The following PKD1 variants were observed in gnomAD, a reference collection of about 807,000 sequenced individuals.
PKD1 encodes polycystin-1.
PKD1 carries 81 observed loss-of-function variants against 361.7 expected under a neutral mutation model. The ratio of observed to expected loss-of-function variants is 0.22; its 90% CI spans 0.19 to 0.27. PKD1 has a LOEUF of 0.27. Among genes scored for constraint, PKD1 ranks in the 10% least tolerant of loss-of-function variants. The pLI, the probability that PKD1 is intolerant of heterozygous loss-of-function variation, is 1.00. For synonymous variants in PKD1, 3,615 were observed against 2,818.3 expected, an observed-to-expected ratio of 1.28 and a Z score of -8.95; for missense variants, 6,399 against 6,118.3, an observed-to-expected ratio of 1.05 and a Z score of -1.53.
chr16:2,132,009 G>C (rs1006841902), intron 1 of PKD1: 63 of 152,166 alleles, frequency 4.1e-4, no homozygotes, highest in African/African-American at 1.4e-3. Flanking sequence ...CCAACACTTT[G>C]GGAGGCCAAG....
In PKD1 at chr16:2,119,121, T is replaced by C. The variant is rs969529348; in HGVS notation, c.352A>G (p.Ser118Gly). 7.3e-6 allele frequency: 9 copies of C among 1,238,868 alleles called. No homozygotes were observed. The Admixed American group carries it at 1.4e-4, about 19-fold the overall frequency. The allele number at this position is 1,238,868 out of a possible 1,614,324, so 76.7% of individuals were successfully genotyped here. The change falls in exon 3 of 46, where the codon AGT (serine) becomes GGT (glycine). Residue 118 changes from serine (S) to glycine (G), a missense_variant. Coordinates refer to ENST00000262304, the MANE Select transcript of PKD1 (RefSeq NM_001009944.3). ...EGIFANLFNL[S>G]EINLSGNPFE... ...CAAAGAACCACAACTTACATTTCAC[T>C]TAAATTAAATAAATTAGCAAATATT...
chr16:2,108,245 C>T lies in PKD1; in HGVS notation c.6915+7G>A. On this transcript the variant is annotated splice_region_variant and intron_variant, in intron 15 of 45. Coordinates refer to ENST00000262304, the MANE Select transcript of PKD1 (RefSeq NM_001009944.3). ...GGGCATGGAGGACGGCCCTGCCACG[C>T]ACTGACCTGTGTCGAAGCCACACAG... The T allele has an allele frequency of 6.3e-7, 1 of 1,595,642 alleles. No homozygotes were observed. Among genetic ancestry groups the T allele is most frequent in the South Asian group, 1.1e-5 (1 of 89,780 alleles).
intron 1 of PKD1, among the ~76,000 whole-genome samples, chr16:2,127,092 G>C (rs1042413015): frequency 6.6e-6 from 1 of 152,064 alleles, no homozygotes; most frequent in African/African-American, 2.4e-5. Context: ...CGAGGCTCAG[G>C]CTTGGCACAA....
chr16:2,111,126 G>C lies in PKD1; in HGVS notation c.4041C>G (p.His1347Gln), dbSNP rs769089565. The C allele has an allele frequency of 7.4e-6, 12 of 1,610,864 alleles. No homozygotes were observed. The highest frequency in any genetic ancestry group is 2.2e-5 in the East Asian group (1 of 44,890). ...GGAACGTGCCGCTCCGCGTGAAGTTGTGTGTCACCGTCGGGCACCCCCGCA... is the reference window on the plus strand; with the variant it reads ...GGAACGTGCCGCTCCGCGTGAAGTTCTGTGTCACCGTCGGGCACCCCCGCA... ...TTVRGCPTVT[H>Q]NFTRSGTFPL... Residue 1347 changes from histidine to glutamine, a missense_variant, in exon 15 of 46, where the codon CAC (histidine) becomes CAG (glutamine). His to Gln is a conservative substitution (Grantham distance 24). Transcript: ENST00000262304.
In PKD1 at chr16:2,097,517, G is replaced by C. The variant is rs201207354; in HGVS notation, c.10221-14C>G. On this transcript the variant is annotated splice_polypyrimidine_tract_variant and intron_variant, in intron 32 of 45. Coordinates refer to ENST00000262304, the MANE Select transcript of PKD1 (RefSeq NM_001009944.3). ...CAGCACACCAGACTGCAGGTGGCGC[G>C]GGTCAGCAAGGTACCAGGGGATGTG... The C allele has an allele frequency of 6.2e-7, 1 of 1,601,410 alleles. No homozygotes were observed. The highest frequency in any genetic ancestry group is 1.3e-5 in the African/African-American group (1 of 74,980).
rs150020128 is a variant in PKD1, at chr16:2,097,337, T to C, written c.10387A>G (p.Lys3463Glu). Residue 3463 changes from lysine (K) to glutamate (E), a missense_variant, in exon 33 of 46, where the codon AAA becomes GAA. Lys to Glu is a moderately conservative substitution (Grantham distance 56). Transcript: ENST00000262304. ...FSLASPYSPA[K>E]SFSASDEDLI... The stretch of plus-strand genomic sequence containing the variant: ...AGCTCACCTGATGCTGAGAAGGATT[T>C]GGCAGGCGAGTAGGGGCTGGCCAGG... 87 of 1,612,700 alleles carry C rather than the reference T, an allele frequency of 5.4e-5. No homozygotes were observed. In the African/African-American group the frequency reaches 9.6e-4, roughly 18 times the overall value.
intron 1 of PKD1, among the ~76,000 whole-genome samples, chr16:2,130,295 T>A (rs1336989747): frequency 6.6e-6 from 1 of 152,036 alleles, no homozygotes; most frequent in Non-Finnish European, 1.5e-5. Context: ...GACACAGGCC[T>A]CTCCTAGGCT....
chr16:2,091,607 G>T lies in PKD1; in HGVS notation c.11538-10C>A, dbSNP rs377419559. Reference sequence around the variant, plus strand: ...GAACACAGCGCGGCTCCTGCGCAGAGGGTGCGGGTCAGTAGGAGCGGGTGG... The same window carrying T: ...GAACACAGCGCGGCTCCTGCGCAGATGGTGCGGGTCAGTAGGAGCGGGTGG... On this transcript the variant is annotated splice_polypyrimidine_tract_variant and intron_variant, in intron 41 of 45. Coordinates refer to ENST00000262304, the MANE Select transcript of PKD1 (RefSeq NM_001009944.3). The T allele has an allele frequency of 2.3e-4, 358 of 1,561,070 alleles. No individual in the cohort carries two copies. Among genetic ancestry groups the T allele is most frequent in the Non-Finnish European group, 2.9e-4 (334 of 1,161,910 alleles).
In PKD1 at chr16:2,092,201, G is replaced by C. The variant is rs771320129; in HGVS notation, c.11270-13C>G. The C allele has an allele frequency of 2.5e-6, 4 of 1,584,302 alleles. No homozygotes were observed. The highest frequency in any genetic ancestry group is 2.7e-5 in the African/African-American group (2 of 73,968). On this transcript the variant is annotated splice_polypyrimidine_tract_variant and intron_variant, in intron 39 of 45. Transcript: ENST00000262304. ...TCTGGGTAGAGTGCTGAAACACACA[G>C]AGCCCCAGGCCGGGGCCAGGGCCTC...
At chr16:2,128,950 G>A (rs1235603159) in intron 1 of PKD1, among the ~76,000 whole-genome samples, 2 of 151,556 alleles carry the variant, frequency 1.3e-5, no homozygotes, top group African/African-American at 2.4e-5. Context: ...TGCAACCTCC[G>A]CCTCCCGGGT....
rs540459990 is a variant in PKD1 at position 2,103,575 on chromosome 16, G to A, written c.8482C>T (p.Leu2828=). 5.0e-6 allele frequency: 8 copies of A among 1,610,260 alleles called. No individual in the cohort carries two copies. Among genetic ancestry groups the A allele is most frequent in the African/African-American group, 4.0e-5 (3 of 74,972 alleles). The change falls in exon 23 of 46, where the codon CTG becomes TTG. Residue 2828 remains leucine (L), a synonymous_variant. Transcript: ENST00000262304. ...AAGGGAAAGGGATTGGAGTCCACCA[G>A]AAAGATGAGCTGCACCACGTCACTG... ...NLSDVVQLIF[L]VDSNPFPFGY... is the part of the protein sequence containing the mutation.
chr16:2,126,203 C>T (rs1212900335), intron 1 of PKD1, among the ~76,000 whole-genome samples: 1 of 152,244 alleles, frequency 6.6e-6, no homozygotes, highest in African/African-American at 2.4e-5. Context: ...ACCCGGAGCC[C>T]CTGTACTCCC....
rs755591790 is a variant in PKD1, at chr16:2,108,296, G to C, written c.6871C>G (p.Gln2291Glu). The C allele has an allele frequency of 1.2e-6, 2 of 1,601,850 alleles. No homozygotes were observed. Among genetic ancestry groups the C allele is most frequent in the East Asian group, 4.5e-5 (2 of 44,660 alleles). Residue 2291 changes from glutamine to glutamate, a missense_variant, in exon 15 of 46, where the codon CAG (glutamine) becomes GAG (glutamate). Coordinates refer to ENST00000262304, the MANE Select transcript of PKD1 (RefSeq NM_001009944.3). ...GCCCAGTGGAAACTGAGCGGCGTCT[G>C]GTCGCCGTCCTCCAGGTTGGGGTCG... ...SYDPNLEDGDQTPLSFHWACV... is the reference protein window; with the variant it reads ...SYDPNLEDGDETPLSFHWACV...
chr16:2,127,410 G>A lies in PKD1; in HGVS notation c.216-8032C>T, dbSNP rs147284697. 8.0e-4 allele frequency among the ~76,000 whole-genome samples: 122 copies of A among 152,302 alleles called. 1 individual carries two copies. Among genetic ancestry groups the A allele is most frequent in the Non-Finnish European group, 3.7e-4 (25 of 68,032 alleles). On this transcript the variant is annotated intron_variant, in intron 1 of 45. Transcript: ENST00000262304. ...GTCTTGTGAGCCCCCACAGCCACGC[G>A]GCCCTGCGCTGAAGGCACCGAGGCT...
intron 7 of PKD1, 64 bp downstream of exon 7, chr16:2,116,769 C>T (rs1163467452): frequency 2.2e-5 from 25 of 1,115,374 alleles, no homozygotes; most frequent in South Asian, 7.9e-5. Context: ...GGCTCCACCG[C>T]GGGCGCTCGG....
chr16:2,110,467 C>T lies in PKD1; in HGVS notation c.4700G>A (p.Ser1567Asn), dbSNP rs2092473015. 3 of 1,612,418 alleles carry T rather than the reference C, an allele frequency of 1.9e-6. No individual in the cohort carries two copies. Among genetic ancestry groups the T allele is most frequent in the East Asian group, 2.2e-5 (1 of 44,900 alleles). The change falls in exon 15 of 46, where the codon AGC (serine) becomes AAC (asparagine). Residue 1567 changes from serine to asparagine, a missense_variant. Coordinates refer to ENST00000262304, the MANE Select transcript of PKD1 (RefSeq NM_001009944.3). ...RTVVPLNGSVSFSTSLEAGSD... is the reference protein window; with the variant it reads ...RTVVPLNGSVNFSTSLEAGSD... ...GCCGGCCTCCAGCGACGTGCTGAAG[C>T]TCACGCTCCCATTCAGGGGCACCAC...
At chr16:2,122,431 C>G (rs539333726) in intron 1 of PKD1, among the ~76,000 whole-genome samples, 45 of 152,108 alleles carry the variant, frequency 3.0e-4, no homozygotes, top group African/African-American at 9.9e-4. Context: ...CTAACTGAAC[C>G]CTGCTTCTCT....
In PKD1 at chr16:2,117,821, T is replaced by A. The variant is rs2092665567; in HGVS notation, c.1171A>T (p.Ile391Phe). 7.9e-7 allele frequency: 1 copy of A among 1,266,256 alleles called. No individual in the cohort carries two copies. The allele number at this position is 1,266,256 out of a possible 1,614,324, so 78.4% of individuals were successfully genotyped here. A position where few individuals can be genotyped will look rare whatever the true frequency, so the allele number is the denominator to read the frequency against. Reference protein sequence around the residue: ...GGSGLEAAYSIVALGEEPARA... With the variant: ...GGSGLEAAYSFVALGEEPARA... ...GCCGGCTCCTCGCCCAGGGCCACGATGCTGTAGGCGGCCTCCAGGCCTGAA... is the reference window on the plus strand; with the variant it reads ...GCCGGCTCCTCGCCCAGGGCCACGAAGCTGTAGGCGGCCTCCAGGCCTGAA... The change falls in exon 5 of 46, where the codon ATC becomes TTC. Residue 391 changes from isoleucine (I) to phenylalanine (F), a missense_variant. Transcript: ENST00000262304.
At chr16:2,119,944 G>C in intron 1 of PKD1, 1 of 656,338 alleles carries the variant, frequency 1.5e-6, no homozygotes, top group South Asian at 1.7e-5. Context: ...CCAGGCACTG[G>C]GGCACACGCC....
Sources: allele counts gnomAD v4.1 joint callset (sites outside exome capture counted in the v4.1 genomes callset), GRCh38; gene constraint gnomAD v4.1.1; transcripts MANE v1.5; gene names NCBI Gene and HGNC (gene_info 2026-07-23, HGNC 2026-07-21).